MYO5B: variants seen among roughly 807,000 people sequenced by gnomAD.
MYO5B encodes the protein myosin VB.
Under a neutral mutation model 229.3 loss-of-function variants are expected in MYO5B, and 143 were observed. The observed-to-expected ratio is 0.62, with a 90% CI of 0.54 to 0.72. MYO5B has a LOEUF of 0.72. MYO5B is among the 30% of genes least tolerant of loss of function. The pLI, the probability that MYO5B is intolerant of heterozygous loss-of-function variation, is 0.00. For synonymous variants in MYO5B, 918 were observed against 885.2 expected (o/e 1.04, Z -0.66); for missense variants, 2,321 against 2,331.0 (o/e 1.00, Z 0.09).
At chr18:49,969,846 C>A (rs1282503405) in intron 10 of MYO5B, 1 of 152,248 alleles carries the variant, frequency 6.6e-6, no homozygotes, top group Admixed American at 6.5e-5. Flanking sequence ...CACCTTCTAC[C>A]CCATTCTCTC....
intron 1 of MYO5B, among the ~76,000 whole-genome samples, chr18:50,127,503 G>A (rs1164880591): frequency 6.6e-6 from 1 of 152,210 alleles, no homozygotes; most frequent in Non-Finnish European, 1.5e-5. Context: ...GGTAGAGGAG[G>A]TAAGGAGTCC....
At chr18:49,945,786 C>A (rs532616379) in intron 14 of MYO5B, among the ~76,000 whole-genome samples, 1 of 146,486 alleles carries the variant, frequency 6.8e-6, no homozygotes. Context: ...GAGAGCTGGG[C>A]CTGGGGGCTC....
chr18:50,055,914 C>A (rs1360516022), intron 1 of MYO5B, among the ~76,000 whole-genome samples: 1 of 152,130 alleles, frequency 6.6e-6, no homozygotes, highest in African/African-American at 2.4e-5. Flanking sequence ...TTGAATTTAT[C>A]TGTCCACTCT....
intron 16 of MYO5B, among the ~76,000 whole-genome samples, chr18:49,932,377 C>T (rs147189375): frequency 2.0e-5 from 3 of 152,216 alleles, no homozygotes; most frequent in Non-Finnish European, 4.4e-5. Context: ...CCAGAAGGCA[C>T]CTGGCACAGA....
At position 49,943,133 on chromosome 18, in the gene MYO5B, A is replaced by G. The variant is rs544652476; in HGVS notation, c.1753-5736T>C. ...TCACAAGGACAAAAAACCAAACACC[A>G]CATGTTTTCACTCATAGGTGGGAAT... On this transcript the variant is annotated intron_variant, in intron 14 of 39. Transcript: ENST00000285039. Among the ~76,000 whole-genome samples the G allele has an allele frequency of 2.9e-3, 430 of 148,276 alleles. 1 individual carries two copies. The highest frequency in any genetic ancestry group is 1.0e-2 in the African/African-American group (402 of 40,392).
At chr18:49,853,385 C>G in intron 31 of MYO5B, 64 bp downstream of exon 31, 1 of 1,575,544 alleles carries the variant, frequency 6.3e-7, no homozygotes, top group Admixed American at 1.7e-5. Context: ...AAGGCAACCC[C>G]GATCCCATTT....
chr18:49,955,549 C>T (rs970830578), intron 12 of MYO5B, among the ~76,000 whole-genome samples: 2 of 152,156 alleles, frequency 1.3e-5, no homozygotes, highest in African/African-American at 4.8e-5. Context: ...TTATGGTAAA[C>T]TAATAAAATC....
At chr18:50,008,820 T>C (rs1196564918) in intron 4 of MYO5B, among the ~76,000 whole-genome samples, 2 of 152,204 alleles carry the variant, frequency 1.3e-5, no homozygotes, top group Non-Finnish European at 2.9e-5. Context: ...ATATATTCTG[T>C]TCACTAATGG....
chr18:50,069,128 T>A (rs2144443860), intron 1 of MYO5B, among the ~76,000 whole-genome samples: 1 of 152,132 alleles, frequency 6.6e-6, no homozygotes, highest in East Asian at 1.9e-4. Flanking sequence ...AAAACTGTCC[T>A]GGGTGCAAGT....
At chr18:49,876,495 A>G (rs530133162) in intron 25 of MYO5B, among the ~76,000 whole-genome samples, 4 of 152,360 alleles carry the variant, frequency 2.6e-5, no homozygotes, top group Non-Finnish European at 5.9e-5. Context: ...ATGTATGTAC[A>G]TGTGAGACAA....
chr18:50,006,300 C>T (rs1421723576), intron 4 of MYO5B, among the ~76,000 whole-genome samples: 1 of 152,208 alleles, frequency 6.6e-6, no homozygotes, highest in African/African-American at 2.4e-5. Context: ...TCCATTCACC[C>T]CAATGACTTG....
chr18:50,052,064 G>A (rs1042636563), intron 2 of MYO5B, among the ~76,000 whole-genome samples: 3 of 152,184 alleles, frequency 2.0e-5, no homozygotes, highest in African/African-American at 7.2e-5. Context: ...AACAGGTGCT[G>A]GAGAGGATGT....
intron 1 of MYO5B, among the ~76,000 whole-genome samples, chr18:50,122,405 C>T (rs2032073461): frequency 7.6e-6 from 1 of 131,108 alleles, no homozygotes; most frequent in African/African-American, 3.0e-5. Flanking sequence ...AGTTTGAGAT[C>T]AGCCTGGCCA....
At chr18:50,184,973 G>A (rs1469043580) in intron 1 of MYO5B, among the ~76,000 whole-genome samples, 1 of 151,914 alleles carries the variant, frequency 6.6e-6, no homozygotes, top group African/African-American at 2.4e-5. Context: ...TACTTGGGAG[G>A]CTGAGGTGGG....
intron 1 of MYO5B, among the ~76,000 whole-genome samples, chr18:50,115,708 C>A (rs2031949945): frequency 6.6e-6 from 1 of 151,890 alleles, no homozygotes; most frequent in African/African-American, 2.4e-5. Flanking sequence ...ACTTAATAAC[C>A]AGCTCCAACA....
At chr18:49,994,149 AG>A (rs963735645) in intron 5 of MYO5B, among the ~76,000 whole-genome samples, 47 of 152,134 alleles carry the variant, frequency 3.1e-4, no homozygotes, top group African/African-American at 6.5e-4. Flanking sequence ...TCCCGAGACT[AG>A]GGGAGCACCT....
chr18:49,856,758 A>G, intron 30 of MYO5B, 55 bp downstream of exon 30: 1 of 1,439,324 alleles, frequency 6.9e-7, no homozygotes. Context: ...TTAAGCATAG[A>G]CATGAGCAGG....
At chr18:49,976,138 G>C (rs938154878) in intron 9 of MYO5B, among the ~76,000 whole-genome samples, 1 of 152,240 alleles carries the variant, frequency 6.6e-6, no homozygotes, top group Non-Finnish European at 1.5e-5. Context: ...CGCTGAGGCT[G>C]AAAGGGAATC....
At chr18:50,154,203 G>A (rs546954215) in intron 1 of MYO5B, among the ~76,000 whole-genome samples, 25 of 152,244 alleles carry the variant, frequency 1.6e-4, no homozygotes, top group African/African-American at 6.0e-4. Flanking sequence ...ATTGGAGAAA[G>A]GTAAGGCAAG....
Sources: allele counts gnomAD v4.1 joint callset (sites outside exome capture counted in the v4.1 genomes callset), GRCh38; gene constraint gnomAD v4.1.1; transcripts MANE v1.5; gene names NCBI Gene and HGNC (gene_info 2026-07-23, HGNC 2026-07-21).